Variants in MITF observed in about 807,000 individuals in gnomAD.
MITF encodes microphthalmia-associated transcription factor.
Under a neutral mutation model 60.5 loss-of-function variants are expected in MITF, and 17 were observed. The observed-to-expected ratio is 0.28, with a 90% confidence interval of 0.19 to 0.42. MITF has a LOEUF of 0.42. Ranked by LOEUF, MITF falls within the 10% of genes least tolerant of loss-of-function variation. The probability of loss-of-function intolerance (pLI) is 1.00; values close to 1 mark genes in which losing one functional copy is unlikely to be tolerated. For synonymous variants in MITF, 260 were observed against 248.5 expected (o/e 1.05, Z -0.43); for missense variants, 622 against 683.5 (o/e 0.91, Z 1.00).
chr3:69,764,161 G>T (rs890485636), intron 1 of MITF, among the ~76,000 whole-genome samples: 5 of 152,164 alleles, frequency 3.3e-5, no homozygotes, highest in African/African-American at 4.8e-5. Context: ...GAGTGCTTAT[G>T]CTTCCTTTTC....
At chr3:69,781,451 C>T (rs1200248514) in intron 1 of MITF, among the ~76,000 whole-genome samples, 2 of 152,100 alleles carry the variant, frequency 1.3e-5, no homozygotes, top group Non-Finnish European at 2.9e-5. Context: ...GCAAAATGAA[C>T]ATGTGGAGCC....
chr3:69,959,667 C>A (rs1454772205), intron 9 of MITF, among the ~76,000 whole-genome samples: 1 of 152,170 alleles, frequency 6.6e-6, no homozygotes, highest in Non-Finnish European at 1.5e-5. Context: ...GCACGCATTT[C>A]CAGGTGAGGT....
Position 69,951,842 on chromosome 3 carries a change from G to C in MITF, c.911G>C (p.Arg304Thr). The C allele has an allele frequency of 6.2e-7, 1 of 1,613,588 alleles. No individual in the cohort carries two copies. The highest frequency in any genetic ancestry group is 8.5e-7 in the Non-Finnish European group (1 of 1,179,728). ...ACIFPTESEARALAKERQKKD... is the reference protein window; with the variant it reads ...ACIFPTESEATALAKERQKKD... ...ATTTTTCCCACAGAGTCTGAAGCAA[G>C]AGCACTGGCCAAAGAGAGGCAGAAA... The change falls in exon 7 of 10, where the codon AGA (arginine) becomes ACA (threonine). Residue 304 changes from arginine to threonine, a missense_variant. By Grantham distance (71) the Arg-to-Thr change is moderately conservative. Around this residue, in one of 5 missense-constraint regions of MITF, gnomAD observed 215 missense variants for 224.8 expected, o/e 0.96. Coordinates refer to ENST00000352241, the MANE Select transcript of MITF (RefSeq NM_001354604.2).
intron 1 of MITF, chr3:69,758,731 GA>G (rs1455970684): frequency 4.8e-6 from 1 of 206,662 alleles, no homozygotes; most frequent in Non-Finnish European, 9.9e-6. Context: ...CTAGATGGCT[GA>G]AGTGTTTCTG....
At chr3:69,870,259 TACACAC>T (rs146363082) in intron 1 of MITF, among the ~76,000 whole-genome samples, 14 of 145,302 alleles carry the variant, frequency 9.6e-5, no homozygotes, top group South Asian at 4.4e-4. Context: ...GGTAAATGGA[TACACAC>T]ACACACACAC....
intron 1 of MITF, among the ~76,000 whole-genome samples, chr3:69,827,261 C>T (rs1305239608): frequency 6.6e-6 from 1 of 152,190 alleles, no homozygotes; most frequent in Admixed American, 6.5e-5. Flanking sequence ...GCAGGCTTTT[C>T]TCCTAAAGAT....
At chr3:69,886,668 A>G (rs182742102) in intron 2 of MITF, among the ~76,000 whole-genome samples, 234 of 152,238 alleles carry the variant, frequency 1.5e-3, no homozygotes, top group African/African-American at 5.5e-3. Context: ...GGGCTTCCCT[A>G]TTGAATAGTT....
intron 1 of MITF, among the ~76,000 whole-genome samples, chr3:69,842,762 G>GA (rs1242370913): frequency 6.6e-6 from 1 of 152,116 alleles, no homozygotes; most frequent in Non-Finnish European, 1.5e-5. Flanking sequence ...TGAGATGGAT[G>GA]AAAAAAAGCT....
At chr3:69,856,408 C>T (rs1476038986) in intron 1 of MITF, among the ~76,000 whole-genome samples, 4 of 152,088 alleles carry the variant, frequency 2.6e-5, no homozygotes, top group Admixed American at 2.0e-4. Flanking sequence ...TTGTCTGGAC[C>T]GGCAGGTGTC....
chr3:69,828,153 T>A (rs2063386701), intron 1 of MITF, among the ~76,000 whole-genome samples: 1 of 152,206 alleles, frequency 6.6e-6, no homozygotes. Context: ...TGCTTTTCTC[T>A]GGAATGCACA....
intron 1 of MITF, among the ~76,000 whole-genome samples, chr3:69,864,057 T>A (rs529418609): frequency 7.2e-5 from 11 of 152,316 alleles, no homozygotes; most frequent in African/African-American, 2.2e-4. Context: ...AGAGCTTTTT[T>A]AAAAATTGAG....
chr3:69,762,459 A>C (rs748549027), intron 1 of MITF, among the ~76,000 whole-genome samples: 2 of 152,224 alleles, frequency 1.3e-5, no homozygotes, highest in Non-Finnish European at 1.5e-5. Context: ...TTTAACTACC[A>C]CAAGAAATGT....
intron 1 of MITF, among the ~76,000 whole-genome samples, chr3:69,877,028 A>G (rs1315279584): frequency 2.6e-5 from 4 of 152,226 alleles, no homozygotes; most frequent in Non-Finnish European, 5.9e-5. Context: ...CATTTTGCAT[A>G]CTTGGATACA....
In MITF at chr3:69,943,585, T is replaced by C. The variant is rs563360253; in HGVS notation, c.762+2254T>C. On this transcript the variant is annotated intron_variant, in intron 5 of 9. Coordinates refer to ENST00000352241, the MANE Select transcript of MITF (RefSeq NM_001354604.2). ...TTATAATATCAAATAATATTGATAG[T>C]ATTTGTTTATTCAGCTGATCTTCAC... is the stretch of plus-strand genomic sequence containing the variant. 2.6e-5 allele frequency among the ~76,000 whole-genome samples: 4 copies of C among 152,278 alleles called. No individual in the cohort carries two copies. The South Asian group carries it at 8.3e-4, about 32-fold the overall frequency.
At chr3:69,847,838 C>A (rs1437739122) in intron 1 of MITF, among the ~76,000 whole-genome samples, 1 of 152,128 alleles carries the variant, frequency 6.6e-6, no homozygotes, top group Admixed American at 6.6e-5. Context: ...TTGGGGAAGC[C>A]CTTCATAACA....
chr3:69,956,314 T>A (rs755500561), intron 7 of MITF, 141 bp from the exon 8 acceptor site: 2 of 715,390 alleles, frequency 2.8e-6, no homozygotes, highest in South Asian at 3.0e-5. Context: ...ACCAAGAACA[T>A]AGTAAAAATA....
intron 1 of MITF, among the ~76,000 whole-genome samples, chr3:69,787,836 A>G (rs1217099599): frequency 6.6e-6 from 1 of 152,218 alleles, no homozygotes; most frequent in Non-Finnish European, 1.5e-5. Flanking sequence ...TGATAAAAAT[A>G]AAATAGTTAT....
chr3:69,767,676 G>A (rs2062321307), intron 1 of MITF, among the ~76,000 whole-genome samples: 1 of 152,130 alleles, frequency 6.6e-6, no homozygotes, highest in South Asian at 2.1e-4. Flanking sequence ...CCGAGGCATG[G>A]AGGTGCAGCA....
chr3:69,848,453 C>T (rs1330086324), intron 1 of MITF, among the ~76,000 whole-genome samples: 1 of 152,162 alleles, frequency 6.6e-6, no homozygotes, highest in Non-Finnish European at 1.5e-5. Context: ...ACAATATTCT[C>T]CACACATTTC....
Sources: allele counts gnomAD v4.1 joint callset (sites outside exome capture counted in the v4.1 genomes callset), GRCh38; gene constraint gnomAD v4.1.1; regional missense constraint gnomAD v4.1.1; transcripts MANE v1.5; gene names NCBI Gene and HGNC (gene_info 2026-07-23, HGNC 2026-07-21).